PCDHGB1: variants seen among roughly 807,000 people sequenced by gnomAD.
PCDHGB1 encodes the protein protocadherin gamma subfamily B, 1, also known as protocadherin gamma-B1.
PCDHGB1 carries 34 observed loss-of-function variants against 56.6 expected under a neutral mutation model. The ratio of observed to expected loss-of-function variants is 0.60; its 90% CI spans 0.46 to 0.80. The LOEUF (loss-of-function observed/expected upper bound fraction) is 0.80. Ranked by LOEUF, PCDHGB1 falls within the 30% of genes least tolerant of loss-of-function variation. The pLI is 0.00. For synonymous variants in PCDHGB1, 561 were observed against 505.9 expected (o/e 1.11, Z -1.46); for missense variants, 1,278 against 1,204.6 (o/e 1.06, Z -0.90).
At chr5:141,501,333 A>C (rs200092587) in intron 2 of PCDHGB1, among the ~76,000 whole-genome samples, 397 of 140,104 alleles carry the variant, frequency 2.8e-3, no homozygotes, top group Non-Finnish European at 2.6e-3. Flanking sequence ...ACACACACAC[A>C]CCCCAAACTC....
intron 1 of PCDHGB1, chr5:141,413,303 T>G (rs772421197): frequency 6.8e-6 from 11 of 1,613,942 alleles, no homozygotes; most frequent in Middle Eastern, 3.3e-4. Flanking sequence ...CCTGAGGAAT[T>G]AGAGAAAGGC....
chr5:141,378,375 T>C (rs2150126691), intron 1 of PCDHGB1: 1 of 152,224 alleles, frequency 6.6e-6, no homozygotes, highest in African/African-American at 2.4e-5. Context: ...ATACAAAAAT[T>C]AGCCAGGTGG....
intron 1 of PCDHGB1, chr5:141,374,487 A>G: frequency 6.2e-7 from 1 of 1,611,648 alleles, no homozygotes; most frequent in Non-Finnish European, 8.5e-7. Context: ...CGATTCTTAA[A>G]GGAAGAATTG....
At position 141,489,562 on chromosome 5, in the gene PCDHGB1, G is replaced by A. The variant is rs770734883; in HGVS notation, c.2410-5245G>A. ...CACCAGCTGCCTGCTGCCAGTGCAG[G>A]TGGTGACTGAACACCCCCTGGAGCT... On this transcript the variant is annotated intron_variant, in intron 1 of 3. Coordinates refer to ENST00000523390, the MANE Select transcript of PCDHGB1 (RefSeq NM_018922.3). The surrounding 1 kb of genome is among the most constrained non-coding windows in gnomAD (Gnocchi z 4.5). 2 of 1,614,114 alleles carry A rather than the reference G, an allele frequency of 1.2e-6. No homozygotes were observed. Among genetic ancestry groups the A allele is most frequent in the Non-Finnish European group, 1.7e-6 (2 of 1,180,028 alleles).
chr5:141,500,114 G>A (rs72790070), intron 2 of PCDHGB1, among the ~76,000 whole-genome samples: 10,550 of 151,670 alleles, frequency 0.07, 640 homozygotes, highest in African/African-American at 0.16. Flanking sequence ...TTGAATCCCT[G>A]CCTTTTCATA....
chr5:141,375,816 C>G, intron 1 of PCDHGB1: 2 of 1,614,194 alleles, frequency 1.2e-6, no homozygotes, highest in South Asian at 2.2e-5. Flanking sequence ...GTGGAGCTGG[C>G]GCCCCGCTCC....
At chr5:141,388,784 T>A in intron 1 of PCDHGB1, 1 of 1,613,942 alleles carries the variant, frequency 6.2e-7, no homozygotes, top group Non-Finnish European at 8.5e-7. Flanking sequence ...GGGAAATTAC[T>A]GTTTTAAATA....
chr5:141,413,400 G>A (rs1328176117), intron 1 of PCDHGB1: 4 of 1,614,060 alleles, frequency 2.5e-6, no homozygotes, highest in Non-Finnish European at 2.5e-6. Context: ...CCAGAGGTAG[G>A]ACGCAGCTTT....
chr5:141,421,512 G>T, intron 1 of PCDHGB1: 2 of 1,614,094 alleles, frequency 1.2e-6, no homozygotes, highest in Non-Finnish European at 1.7e-6. Context: ...ACCGGGAGGA[G>T]CTCTGTGAGA....
chr5:141,460,027 G>A (rs1002703325), intron 1 of PCDHGB1, among the ~76,000 whole-genome samples: 3 of 152,088 alleles, frequency 2.0e-5, no homozygotes, highest in East Asian at 1.9e-4. Flanking sequence ...GCAGTGAGCC[G>A]AGACTGCACC....
At chr5:141,394,591 C>A in intron 1 of PCDHGB1, 2 of 1,613,762 alleles carry the variant, frequency 1.2e-6, no homozygotes, top group Non-Finnish European at 1.7e-6. Context: ...AAGGTGGTGG[C>A]GGTGGACAGA....
intron 1 of PCDHGB1, chr5:141,408,814 A>G (rs1473137465): frequency 6.8e-6 from 11 of 1,613,456 alleles, no homozygotes; most frequent in Non-Finnish European, 8.5e-6. Context: ...ACCGGGAAGA[A>G]CAGAGATCTC....
At chr5:141,384,213 A>G (rs1779846196) in intron 1 of PCDHGB1, 2 of 1,613,872 alleles carry the variant, frequency 1.2e-6, no homozygotes, top group Non-Finnish European at 1.7e-6. Context: ...AAACTCACAT[A>G]TTCATGCAGG....
At chr5:141,474,332 G>A (rs1427828070) in intron 1 of PCDHGB1, among the ~76,000 whole-genome samples, 1 of 152,168 alleles carries the variant, frequency 6.6e-6, no homozygotes, top group Non-Finnish European at 1.5e-5. Flanking sequence ...TCACCCTGAT[G>A]TTTTGTTAAA....
chr5:141,489,558 G>A lies in PCDHGB1; in HGVS notation c.2410-5249G>A. On this transcript the variant is annotated intron_variant, in intron 1 of 3. Coordinates refer to ENST00000523390, the MANE Select transcript of PCDHGB1 (RefSeq NM_018922.3). The surrounding 1 kb of genome is among the most constrained non-coding windows in gnomAD (Gnocchi z 4.5). ...CCAGCACCAGCTGCCTGCTGCCAGT[G>A]CAGGTGGTGACTGAACACCCCCTGG... 1 of 1,614,130 alleles carries A rather than the reference G, an allele frequency of 6.2e-7. No individual in the cohort carries two copies. Among genetic ancestry groups the A allele is most frequent in the Non-Finnish European group, 8.5e-7 (1 of 1,180,024 alleles).
intron 1 of PCDHGB1, chr5:141,427,677 C>T: frequency 1.2e-6 from 1 of 816,672 alleles, no homozygotes; most frequent in Non-Finnish European, 2.1e-6. Flanking sequence ...AAACAACCTT[C>T]CCGGAGCCTC....
At position 141,437,148 on chromosome 5, in the gene PCDHGB1, A is replaced by T. The variant is rs1196014608; in HGVS notation, c.2410-57659A>T. ...GTTGATAATTTAGGATTCATAATTA[A>T]CATATGTGTTGATTGTTTTCTGAGA... is the stretch of plus-strand genomic sequence containing the variant. On this transcript the variant is annotated intron_variant, in intron 1 of 3. Coordinates refer to ENST00000523390, the MANE Select transcript of PCDHGB1 (RefSeq NM_018922.3). Among the ~76,000 whole-genome samples the T allele has an allele frequency of 2.0e-5, 3 of 152,214 alleles. No individual in the cohort carries two copies. In the East Asian group the frequency reaches 5.8e-4, roughly 29 times the overall value.
intron 1 of PCDHGB1, among the ~76,000 whole-genome samples, chr5:141,448,378 A>G (rs1288817591): frequency 6.6e-6 from 1 of 152,154 alleles, no homozygotes; most frequent in East Asian, 1.9e-4. Context: ...ATTTTTGAAT[A>G]GGAAATACAT....
At chr5:141,362,170 C>G (rs1394296027) in intron 1 of PCDHGB1, 1 of 1,613,918 alleles carries the variant, frequency 6.2e-7, no homozygotes, top group Non-Finnish European at 8.5e-7. Flanking sequence ...CAGCGACCGC[C>G]GGGAGCCCTC....
Sources: gnomAD v4.1 joint callset for allele counts (sites outside exome capture counted in the v4.1 genomes callset) on GRCh38, gnomAD v4.1.1 for gene constraint, Gnocchi (gnomAD v3.1) non-coding constraint, MANE v1.5 for transcripts, NCBI Gene and HGNC (gene_info 2026-07-23, HGNC 2026-07-21) for gene names.